Variants in TRIM24 observed in about 807,000 individuals in gnomAD.
The protein encoded by TRIM24 is transcription intermediary factor 1-alpha.
A neutral mutation model predicts 123.9 loss-of-function variants in TRIM24; 29 were observed. That is an observed-to-expected ratio of 0.23 (90% CI 0.17 to 0.32). TRIM24 has a LOEUF of 0.32. TRIM24 is among the 10% of genes least tolerant of loss of function. The pLI is 1.00. For synonymous variants in TRIM24, 456 were observed against 461.1 expected (o/e 0.99, Z 0.14); for missense variants, 932 against 1,295.3 (o/e 0.72, Z 4.31).
Position 138,481,420 on chromosome 7 carries a change from G to A in TRIM24, c.364+20508G>A, listed in dbSNP as rs146744221. 3.6e-3 allele frequency among the ~76,000 whole-genome samples: 551 copies of A among 151,986 alleles called. 3 individuals are homozygous for A. Among genetic ancestry groups the A allele is most frequent in the Admixed American group, 6.8e-3 (104 of 15,242 alleles). On this transcript the variant is annotated intron_variant, in intron 1 of 18. Transcript: ENST00000343526. ...TTAATAGGAGTTATTTTATATTCTC[G>A]CTATCTTCTTCCATTCTGTTTGCCT...
chr7:138,583,733 A>G, intron 17 of TRIM24, 117 bp from the exon 18 acceptor site: 1 of 773,178 alleles, frequency 1.3e-6, no homozygotes, highest in Non-Finnish European at 2.0e-6. Flanking sequence ...ACTAATGGCA[A>G]ATAGCACAGA....
intron 7 of TRIM24, among the ~76,000 whole-genome samples, chr7:138,541,807 T>G (rs938368238): frequency 1.3e-5 from 2 of 152,236 alleles, no homozygotes; most frequent in Non-Finnish European, 2.9e-5. Context: ...TCGTCAATGA[T>G]CTTAGCTGTA....
Position 138,587,942 on chromosome 7 carries a change from C to G in TRIM24, c.*2991C>G, listed in dbSNP as rs986681001. On this transcript the variant is annotated 3_prime_UTR_variant, in exon 19 of 19. Coordinates refer to ENST00000343526, the MANE Select transcript of TRIM24 (RefSeq NM_015905.3). ...TCATTTTGTCTTTTGAATTAACATGCCCTGCTTGTCTTTTCTGAATGGAAG... is the reference window on the plus strand; with the variant it reads ...TCATTTTGTCTTTTGAATTAACATGGCCTGCTTGTCTTTTCTGAATGGAAG... The G allele has an allele frequency of 6.6e-6, 1 of 152,146 alleles. No individual in the cohort carries two copies. The highest frequency in any genetic ancestry group is 2.4e-5 in the African/African-American group (1 of 41,422). The allele number at this position is 152,146 out of a possible 1,614,324, so 9.4% of individuals were successfully genotyped here. A position where few individuals can be genotyped will look rare whatever the true frequency, so the allele number is the denominator to read the frequency against.
chr7:138,516,653 C>T (rs62487641), intron 3 of TRIM24, among the ~76,000 whole-genome samples: 2,357 of 152,254 alleles, frequency 0.015, 37 homozygotes, highest in Non-Finnish European at 0.026. Flanking sequence ...CTGCACCCAG[C>T]CTTTATTTTC....
Position 138,586,632 on chromosome 7 carries a change from G to A in TRIM24, c.*1681G>A, listed in dbSNP as rs1347810578. 6.6e-6 allele frequency: 1 copy of A among 152,168 alleles called. No homozygotes were observed. Among genetic ancestry groups the A allele is most frequent in the Non-Finnish European group, 1.5e-5 (1 of 68,018 alleles). The allele number at this position is 152,168 out of a possible 1,614,324, so 9.4% of individuals were successfully genotyped here. On this transcript the variant is annotated 3_prime_UTR_variant, in exon 19 of 19. Transcript: ENST00000343526. ...TGTTTGTCATTGTTGTTTTAAAGTT[G>A]CATTTGACATTTGTTCTCCAAAGAG...
chr7:138,544,895 C>T (rs1014232681), intron 7 of TRIM24, among the ~76,000 whole-genome samples: 1 of 152,134 alleles, frequency 6.6e-6, no homozygotes, highest in African/African-American at 2.4e-5. Flanking sequence ...GTGTGAGTTT[C>T]TTATACCAGT....
At chr7:138,506,370 T>A (rs1796151117) in intron 2 of TRIM24, among the ~76,000 whole-genome samples, 1 of 152,238 alleles carries the variant, frequency 6.6e-6, no homozygotes, top group Non-Finnish European at 1.5e-5. Context: ...AATGATTTTG[T>A]TTCTGTCTTC....
At chr7:138,539,466 C>G (rs866913347) in intron 7 of TRIM24, among the ~76,000 whole-genome samples, 61 of 152,274 alleles carry the variant, frequency 4.0e-4, no homozygotes, top group Middle Eastern at 3.4e-3. Context: ...TTGTGAATTT[C>G]TAACAAGCCT....
intron 7 of TRIM24, among the ~76,000 whole-genome samples, chr7:138,539,274 A>G (rs773717245): frequency 2.0e-5 from 3 of 152,150 alleles, no homozygotes; most frequent in Admixed American, 6.5e-5. Context: ...GATCTCAGAC[A>G]TGACCTGAGC....
chr7:138,503,712 G>C (rs1379373030), intron 1 of TRIM24, among the ~76,000 whole-genome samples: 1 of 151,814 alleles, frequency 6.6e-6, no homozygotes, highest in African/African-American at 2.4e-5. Context: ...TGCCATGTTG[G>C]TGTGCTGCAC....
chr7:138,504,444 GCTCT>G (rs531379432), intron 2 of TRIM24, 36 bp downstream of exon 2: 23,824 of 620,540 alleles, frequency 0.038, 1,276 homozygotes, highest in East Asian at 0.074. Context: ...TTGCCTGCCA[GCTCT>G]TTTTTTTTTT....
At chr7:138,465,787 G>T (rs775884400) in intron 1 of TRIM24, among the ~76,000 whole-genome samples, 4 of 152,044 alleles carry the variant, frequency 2.6e-5, no homozygotes, top group Non-Finnish European at 5.9e-5. Context: ...GTATTTTTTA[G>T]TTTGGAGCTA....
intron 1 of TRIM24, among the ~76,000 whole-genome samples, chr7:138,492,126 G>T (rs774267123): frequency 5.5e-4 from 84 of 151,496 alleles, no homozygotes; most frequent in South Asian, 8.4e-4. Context: ...AAAAAATTTA[G>T]CCAGGCATGG....
At chr7:138,494,050 C>A (rs1795851308) in intron 1 of TRIM24, among the ~76,000 whole-genome samples, 1 of 151,958 alleles carries the variant, frequency 6.6e-6, no homozygotes, top group Admixed American at 6.6e-5. Flanking sequence ...GGCGCGATCT[C>A]AGCTCACTGG....
At chr7:138,519,454 G>A (rs1436177238) in intron 4 of TRIM24, 133 bp downstream of exon 4, 2 of 994,454 alleles carry the variant, frequency 2.0e-6, no homozygotes, top group South Asian at 1.8e-5. Context: ...CCTGTACTGG[G>A]GTTTGTCACT....
At chr7:138,538,859 G>C in intron 7 of TRIM24, 56 bp downstream of exon 7, 7 of 1,456,270 alleles carry the variant, frequency 4.8e-6, no homozygotes, top group Non-Finnish European at 6.6e-6. Flanking sequence ...AAACAATGGA[G>C]CCATTGTAAT....
rs767160577 is a variant in TRIM24 at position 138,460,921 on chromosome 7, C to G, written c.364+9C>G. 8 of 1,435,450 alleles carry G rather than the reference C, an allele frequency of 5.6e-6. No individual in the cohort carries two copies. Among genetic ancestry groups the G allele is most frequent in the East Asian group, 3.0e-5 (1 of 33,496 alleles). 88.9% of individuals were successfully genotyped at this position (1,435,450 alleles called of 1,614,324 possible). On this transcript the variant is annotated intron_variant, in intron 1 of 18. Transcript: ENST00000343526. ...GCCGTTCGCCACCCAAGGTGAGAAC[C>G]GGCCGCGGCCGCTGGGGAGCCCGGG...
At chr7:138,515,431 G>C in intron 3 of TRIM24, 72 bp downstream of exon 3, 1 of 1,519,730 alleles carries the variant, frequency 6.6e-7, no homozygotes, top group Admixed American at 1.9e-5. Context: ...GTATTGACTT[G>C]TTTTGACACA....
At chr7:138,580,821 G>A in intron 16 of TRIM24, 127 bp downstream of exon 16, 1 of 843,584 alleles carries the variant, frequency 1.2e-6, no homozygotes, top group Non-Finnish European at 1.7e-6. Flanking sequence ...ATTTTTTTTT[G>A]TTTACAAAGG....
Sources: allele counts gnomAD v4.1 joint callset (sites outside exome capture counted in the v4.1 genomes callset), GRCh38; gene constraint gnomAD v4.1.1; transcripts MANE v1.5; gene names NCBI Gene and HGNC (gene_info 2026-07-23, HGNC 2026-07-21).